The following SLC67A1 variants were observed in gnomAD, a reference collection of about 807,000 sequenced individuals.
The protein encoded by SLC67A1 is solute carrier family 67 member A1.
At chr11:2,909,044 G>A in the SLC67A1 span, 52 of 646,732 alleles carry the variant, frequency 8.0e-5, no homozygotes, top group African/African-American at 7.4e-4. Context: ...TGAGAGGAGG[G>A]AGGCCTCCCA....
chr11:2,917,980 C>T, the SLC67A1 span: 31 of 1,608,522 alleles, frequency 1.9e-5, no homozygotes, highest in African/African-American at 1.6e-4. Flanking sequence ...ATGGCCTCTC[C>T]GTGCCAGGCG....
chr11:2,922,146 G>A, the SLC67A1 span: 16 of 1,613,584 alleles, frequency 9.9e-6, no homozygotes, highest in African/African-American at 1.2e-4. Flanking sequence ...GCCACTTCTC[G>A]GAGGAGGTGC....
At chr11:2,903,550 C>T in the SLC67A1 span, 1 of 1,590,410 alleles carries the variant, frequency 6.3e-7, no homozygotes, top group Non-Finnish European at 8.6e-7. Context: ...TTCCTCCTGC[C>T]CTCCATCTGG....
the SLC67A1 span, chr11:2,922,371 G>A: frequency 1.3e-6 from 2 of 1,583,304 alleles, no homozygotes; most frequent in Non-Finnish European, 1.7e-6. Context: ...GGACAGGTAA[G>A]ACCCCAGAGA....
the SLC67A1 span, chr11:2,903,106 G>C: frequency 1.1e-6 from 1 of 888,434 alleles, no homozygotes; most frequent in East Asian, 3.0e-5. Context: ...CTGGAGACCA[G>C]AGCTGTCAAA....
the SLC67A1 span, among the ~76,000 whole-genome samples, chr11:2,912,047 G>A: frequency 6.6e-6 from 1 of 152,224 alleles, no homozygotes; most frequent in Non-Finnish European, 1.5e-5. Flanking sequence ...AGGCCCAGGA[G>A]ATGATGAGGC....
At chr11:2,905,998 G>A in the SLC67A1 span, among the ~76,000 whole-genome samples, 1 of 152,204 alleles carries the variant, frequency 6.6e-6, no homozygotes, top group African/African-American at 2.4e-5. Flanking sequence ...ACGCAGGCAG[G>A]GAGGATGACT....
At chr11:2,903,931 CTTG>C in the SLC67A1 span, among the ~76,000 whole-genome samples, 43 of 152,356 alleles carry the variant, frequency 2.8e-4, no homozygotes, top group African/African-American at 1.0e-3. Context: ...TTCTTGGGTC[CTTG>C]TTGTCCACTA....
At chr11:2,910,443 C>T in the SLC67A1 span, among the ~76,000 whole-genome samples, 1 of 152,080 alleles carries the variant, frequency 6.6e-6, no homozygotes, top group Non-Finnish European at 1.5e-5. Context: ...TCTGAGGAGG[C>T]GGCATCTGAG....
At chr11:2,920,741 G>C in the SLC67A1 span, 1 of 152,234 alleles carries the variant, frequency 6.6e-6, no homozygotes, top group Admixed American at 6.5e-5. Flanking sequence ...TTAGCTCCAG[G>C]TTCATGTCAC....
the SLC67A1 span, chr11:2,909,903 A>T: frequency 6.9e-6 from 4 of 575,588 alleles, no homozygotes; most frequent in South Asian, 9.6e-5. Flanking sequence ...GGCCCTGGAT[A>T]GGGCCAGGTG....
At chr11:2,914,742 C>T in the SLC67A1 span, 5 of 985,468 alleles carry the variant, frequency 5.1e-6, no homozygotes, top group Non-Finnish European at 6.0e-6. Flanking sequence ...CTCCTGTGTA[C>T]TTCTGGGACA....
chr11:2,902,563 C>T, the SLC67A1 span: 1 of 985,412 alleles, frequency 1.0e-6, no homozygotes, highest in South Asian at 4.7e-5. Context: ...CCGCCCTACC[C>T]CACCAGCCTG....
the SLC67A1 span, chr11:2,924,977 C>T: frequency 6.3e-7 from 1 of 1,575,946 alleles, no homozygotes; most frequent in Non-Finnish European, 8.6e-7. The surrounding 1 kb of genome is among the most constrained non-coding windows in gnomAD (Gnocchi z 8.6). Flanking sequence ...CAGGGAGCTG[C>T]CCAGGGCCTG....
At chr11:2,911,835 A>T in the SLC67A1 span, among the ~76,000 whole-genome samples, 2 of 151,904 alleles carry the variant, frequency 1.3e-5, no homozygotes, top group African/African-American at 4.8e-5. Context: ...TTCCCCCATC[A>T]CAGCTGCTGA....
chr11:2,901,302 T>C, the SLC67A1 span, among the ~76,000 whole-genome samples: 3 of 152,256 alleles, frequency 2.0e-5, no homozygotes, highest in Admixed American at 6.5e-5. Flanking sequence ...TTGGGCCACC[T>C]GGCTCTGGCC....
At chr11:2,919,168 G>T in the SLC67A1 span, 1 of 640,624 alleles carries the variant, frequency 1.6e-6, no homozygotes, top group South Asian at 1.9e-5. Flanking sequence ...GGCCCGGCTG[G>T]CATCACAGGC....
chr11:2,904,137 C>T, the SLC67A1 span, among the ~76,000 whole-genome samples: 1 of 152,204 alleles, frequency 6.6e-6, no homozygotes, highest in South Asian at 2.1e-4. Flanking sequence ...AAATTATATT[C>T]ACCAAGTCTG....
At chr11:2,907,704 G>A in the SLC67A1 span, among the ~76,000 whole-genome samples, 2,548 of 152,224 alleles carry the variant, frequency 0.017, 64 homozygotes, top group African/African-American at 0.058. The surrounding 1 kb of genome is among the most constrained non-coding windows in gnomAD (Gnocchi z 6.7). Context: ...GCGGCTGCAG[G>A]GGGACCAAAT....
Sources: gnomAD v4.1 joint callset for allele counts (sites outside exome capture counted in the v4.1 genomes callset) on GRCh38, gnomAD v4.1.1 for gene constraint, Gnocchi (gnomAD v3.1) non-coding constraint, MANE v1.5 for transcripts, NCBI Gene and HGNC (gene_info 2026-07-23, HGNC 2026-07-21) for gene names.